RNGTT: variants seen among roughly 807,000 people sequenced by gnomAD.
The protein encoded by RNGTT is mRNA-capping enzyme.
A neutral mutation model predicts 79.3 loss-of-function variants in RNGTT; 33 were observed. The ratio of observed to expected loss-of-function variants is 0.42; its 90% CI spans 0.32 to 0.56. The LOEUF (loss-of-function observed/expected upper bound fraction) is 0.56. Among genes scored for constraint, RNGTT ranks in the 20% least tolerant of loss-of-function variants. The pLI is 0.17. For synonymous variants in RNGTT, 222 were observed against 235.9 expected, an observed-to-expected ratio of 0.94 and a Z score of 0.54; for missense variants, 497 against 739.1, an observed-to-expected ratio of 0.67 and a Z score of 3.80.
In RNGTT at chr6:88,612,786, T is replaced by C. The variant is rs200814193; in HGVS notation, c.1727A>G (p.His576Arg). Residue 576 changes from histidine (H) to arginine (R), a missense_variant, in exon 16 of 16, where the codon CAT becomes CGT. Physicochemically the swap from His to Arg is conservative, Grantham distance 29. This residue lies in a region of RNGTT where 53 missense variants were observed against 50.5 expected (regional missense o/e 1.05). Transcript: ENST00000369485. Reference protein sequence around the residue: ...TAASQGQKRKHHLDPDTELMP... With the variant: ...TAASQGQKRKRHLDPDTELMP... ...GAGCTCCGTGTCAGGGTCCAGATGA[T>C]GTTTTCGCTTCTGTCCTTGAGAAGC... The C allele has an allele frequency of 8.7e-6, 14 of 1,613,500 alleles. No individual in the cohort carries two copies. Among genetic ancestry groups the C allele is most frequent in the East Asian group, 2.2e-5 (1 of 44,868 alleles).
intron 8 of RNGTT, among the ~76,000 whole-genome samples, chr6:88,886,123 T>C (rs1194858056): frequency 2.6e-5 from 4 of 151,978 alleles, no homozygotes; most frequent in East Asian, 1.9e-4. Flanking sequence ...GGCTAACACG[T>C]TGAAACTCCG....
rs575092038 is a variant in RNGTT, at chr6:88,744,682, A to G, written c.1439+25092T>C. Among the ~76,000 whole-genome samples, 3 of 113,198 alleles carry G rather than the reference A, an allele frequency of 2.7e-5. No individual in the cohort carries two copies. In the East Asian group the frequency reaches 6.7e-4, roughly 25 times the overall value. 74.3% of individuals were successfully genotyped at this position (113,198 alleles called of 152,430 possible). A position where few individuals can be genotyped will look rare whatever the true frequency, so the allele number is the denominator to read the frequency against. On this transcript the variant is annotated intron_variant, in intron 13 of 15. Transcript: ENST00000369485. ...TTACATATGAATAGTTTTTTATGCT[A>G]TGATATGAGGTTGATTCTTAATAAG...
Position 88,708,964 on chromosome 6 carries a change from C to T in RNGTT, c.1440-30545G>A, listed in dbSNP as rs149005886. Among the ~76,000 whole-genome samples the T allele has an allele frequency of 9.6e-3, 1,463 of 152,152 alleles. 9 individuals are homozygous for T. Among genetic ancestry groups the T allele is most frequent in the Non-Finnish European group, 0.013 (908 of 68,010 alleles). On this transcript the variant is annotated intron_variant, in intron 13 of 15. Transcript: ENST00000369485. Reference sequence around the variant, plus strand: ...TTATTCATATTCACTTAGGGAATGACTTTCCAATGTCTGTGACCTCTAGAG... The same window carrying T: ...TTATTCATATTCACTTAGGGAATGATTTTCCAATGTCTGTGACCTCTAGAG...
At chr6:88,862,885 G>A (rs1432643767) in intron 8 of RNGTT, among the ~76,000 whole-genome samples, 3 of 151,968 alleles carry the variant, frequency 2.0e-5, no homozygotes, top group Admixed American at 6.6e-5. Context: ...ATTTTCATTC[G>A]GCAATATAAG....
intron 13 of RNGTT, among the ~76,000 whole-genome samples, chr6:88,740,571 A>C (rs1052803647): frequency 6.6e-6 from 1 of 152,042 alleles, no homozygotes; most frequent in Middle Eastern, 3.2e-3. Context: ...AATAAGAATA[A>C]GATGCAGCCA....
At chr6:88,957,344 A>T (rs941898323) in intron 1 of RNGTT, among the ~76,000 whole-genome samples, 1 of 152,222 alleles carries the variant, frequency 6.6e-6, no homozygotes, top group South Asian at 2.1e-4. Flanking sequence ...CTTCTATTTA[A>T]CATAGTACTG....
chr6:88,769,977 T>C, intron 12 of RNGTT, 103 bp from the exon 13 acceptor site: 1 of 690,708 alleles, frequency 1.4e-6, no homozygotes, highest in Middle Eastern at 4.0e-4. Context: ...AATTACTTCT[T>C]TTCTAAACAT....
intron 1 of RNGTT, among the ~76,000 whole-genome samples, chr6:88,960,972 T>C (rs376016034): frequency 6.6e-6 from 1 of 152,224 alleles, no homozygotes; most frequent in East Asian, 1.9e-4. Flanking sequence ...GATTGAAGGA[T>C]GCAAAATATT....
chr6:88,623,059 G>A (rs1434814510), intron 14 of RNGTT, among the ~76,000 whole-genome samples: 1 of 152,066 alleles, frequency 6.6e-6, no homozygotes, highest in Non-Finnish European at 1.5e-5. Context: ...AAGACCCATA[G>A]GATGATAAGA....
intron 1 of RNGTT, among the ~76,000 whole-genome samples, chr6:88,958,474 G>A (rs1310087626): frequency 6.6e-6 from 1 of 152,140 alleles, no homozygotes; most frequent in Admixed American, 6.6e-5. Context: ...CTATGCATCT[G>A]ACAAAGAACT....
In RNGTT at chr6:88,936,275, T is replaced by A. The variant is rs982882740; in HGVS notation, c.174+4796A>T. Among the ~76,000 whole-genome samples the A allele has an allele frequency of 2.0e-5, 3 of 152,316 alleles. No homozygotes were observed. In the South Asian group the frequency reaches 6.2e-4, roughly 32 times the overall value. On this transcript the variant is annotated intron_variant, in intron 2 of 15. Coordinates refer to ENST00000369485, the MANE Select transcript of RNGTT (RefSeq NM_003800.5). ...CCTTTACTGAATTTCTCATCAGATC[T>A]CAGAGTTTTCTGGTGGAATCATTAA...
rs770967207 is a variant in RNGTT at position 88,668,254 on chromosome 6, G to A, written c.1506+10099C>T. 6.6e-5 allele frequency among the ~76,000 whole-genome samples: 10 copies of A among 152,040 alleles called. No individual in the cohort carries two copies. In the South Asian group the frequency reaches 8.3e-4, roughly 13 times the overall value. The stretch of plus-strand genomic sequence containing the variant: ...CCACCATGAAGGTAGAAGGAATTCC[G>A]GCCTGGATCCACCACAGCCACGTGA... On this transcript the variant is annotated intron_variant, in intron 14 of 15. Transcript: ENST00000369485.
chr6:88,886,054 C>A (rs1782845974), intron 8 of RNGTT, among the ~76,000 whole-genome samples: 1 of 152,136 alleles, frequency 6.6e-6, no homozygotes, highest in Non-Finnish European at 1.5e-5. Context: ...ACCTGTAATC[C>A]CAGCACTTTG....
intron 4 of RNGTT, among the ~76,000 whole-genome samples, chr6:88,922,365 TCA>T (rs922772544): frequency 1.3e-5 from 2 of 152,120 alleles, no homozygotes; most frequent in Non-Finnish European, 2.9e-5. Context: ...TTAGAGCAAG[TCA>T]CAGACATGTC....
intron 8 of RNGTT, among the ~76,000 whole-genome samples, chr6:88,873,992 T>C (rs1782435267): frequency 6.6e-6 from 1 of 152,142 alleles, no homozygotes; most frequent in South Asian, 2.1e-4. Context: ...GTTCCAATAC[T>C]AGTAAATAAA....
chr6:88,677,511 G>A (rs12665570), intron 14 of RNGTT, among the ~76,000 whole-genome samples: 5,181 of 152,222 alleles, frequency 0.034, 160 homozygotes, highest in East Asian at 0.088. Flanking sequence ...CTGTCACCCA[G>A]GCTGGAATGC....
intron 14 of RNGTT, among the ~76,000 whole-genome samples, chr6:88,653,104 A>G (rs1258154919): frequency 6.6e-6 from 1 of 152,202 alleles, no homozygotes; most frequent in Non-Finnish European, 1.5e-5. Flanking sequence ...AATTCAAGTA[A>G]GAGAACTACT....
At chr6:88,651,524 A>T (rs1773797001) in intron 14 of RNGTT, among the ~76,000 whole-genome samples, 1 of 152,084 alleles carries the variant, frequency 6.6e-6, no homozygotes. Context: ...AAAGTTAAAA[A>T]CATAATTATT....
intron 13 of RNGTT, among the ~76,000 whole-genome samples, chr6:88,759,684 G>C (rs981862612): frequency 1.3e-5 from 2 of 152,020 alleles, no homozygotes; most frequent in Non-Finnish European, 2.9e-5. Context: ...CCCAACATCA[G>C]TACCCATTTG....
Sources: gnomAD v4.1 joint callset for allele counts (sites outside exome capture counted in the v4.1 genomes callset) on GRCh38, gnomAD v4.1.1 for gene constraint, gnomAD v4.1.1 regional missense constraint, MANE v1.5 for transcripts, NCBI Gene and HGNC (gene_info 2026-07-23, HGNC 2026-07-21) for gene names.